Variants in RBMS3 observed in about 807,000 individuals in gnomAD.
RBMS3 encodes the protein RNA-binding motif, single-stranded-interacting protein 3.
In RBMS3, 27 loss-of-function variants were observed where a neutral mutation model predicts 66.8. The observed-to-expected ratio is 0.40, with a 90% confidence interval of 0.30 to 0.56. The LOEUF (loss-of-function observed/expected upper bound fraction) is 0.56. RBMS3 is among the 20% of genes least tolerant of loss of function. The pLI, the probability that RBMS3 is intolerant of heterozygous loss-of-function variation, is 0.40. For synonymous variants in RBMS3, 188 were observed against 183.0 expected (o/e 1.03, Z -0.22); for missense variants, 513 against 549.5 (o/e 0.93, Z 0.66).
intron 12 of RBMS3, among the ~76,000 whole-genome samples, chr3:29,945,214 C>T (rs546363394): frequency 6.6e-6 from 1 of 151,756 alleles, no homozygotes; most frequent in Non-Finnish European, 1.5e-5. Context: ...GACTCAAAGA[C>T]CCCATGGAGC....
At position 29,884,195 on chromosome 3, in the gene RBMS3, G is replaced by A; in HGVS notation, c.778G>A (p.Ala260Thr). Reference sequence around the variant, plus strand: ...GGCTTTGACCTATGACCCCACAGCTGCCATACAGAATGGGTAAGTAGATCA... The same window carrying A: ...GGCTTTGACCTATGACCCCACAGCTACCATACAGAATGGGTAAGTAGATCA... Reference protein sequence around the residue: ...GMALTYDPTAAIQNGFYSSPY... With the variant: ...GMALTYDPTATIQNGFYSSPY... The change falls in exon 8 of 15, where the codon GCC (alanine) becomes ACC (threonine). Residue 260 changes from alanine to threonine, a missense_variant. Ala to Thr is a moderately conservative substitution (Grantham distance 58). Transcript: ENST00000383767. 1 of 1,611,390 alleles carries A rather than the reference G, an allele frequency of 6.2e-7. No individual in the cohort carries two copies. Among genetic ancestry groups the A allele is most frequent in the Non-Finnish European group, 8.5e-7 (1 of 1,178,128 alleles).
chr3:30,003,756 G>A, intron 14 of RBMS3, 100 bp from the exon 15 acceptor site: 1 of 785,210 alleles, frequency 1.3e-6, no homozygotes, highest in East Asian at 3.0e-5. Context: ...TACATTGAAA[G>A]CTTGGTATCT....
At chr3:29,432,459 A>T (rs1414876322) in intron 1 of RBMS3, among the ~76,000 whole-genome samples, 1 of 152,238 alleles carries the variant, frequency 6.6e-6, no homozygotes, top group Admixed American at 6.5e-5. Flanking sequence ...GGTGTAAAAC[A>T]GATTACTATT....
Position 30,003,619 on chromosome 3 carries a change from A to C in RBMS3, c.1308-237A>C, listed in dbSNP as rs535758045. On this transcript the variant is annotated intron_variant, in intron 14 of 14. Transcript: ENST00000383767. The stretch of plus-strand genomic sequence containing the variant: ...CAAAGGATCTGTAAGGAGCTATAAC[A>C]TAAGCTATTACCCTTGATTTTTAAT... Among the ~76,000 whole-genome samples, 3 of 152,110 alleles carry C rather than the reference A, an allele frequency of 2.0e-5. No homozygotes were observed. The South Asian group carries it at 6.2e-4, about 32-fold the overall frequency.
intron 1 of RBMS3, among the ~76,000 whole-genome samples, chr3:29,412,632 G>A (rs2125687069): frequency 6.6e-6 from 1 of 152,270 alleles, no homozygotes; most frequent in East Asian, 1.9e-4. Context: ...AGTGCCAACT[G>A]AAAGATTTTG....
At chr3:29,935,896 A>G (rs2061253579) in intron 10 of RBMS3, among the ~76,000 whole-genome samples, 190 bp from the exon 11 acceptor site, 1 of 152,184 alleles carries the variant, frequency 6.6e-6, no homozygotes, top group African/African-American at 2.4e-5. Context: ...GAAGATGTTA[A>G]TGCCATCTAT....
intron 6 of RBMS3, among the ~76,000 whole-genome samples, chr3:29,865,709 T>C (rs1479648019): frequency 2.0e-5 from 3 of 152,158 alleles, no homozygotes; most frequent in Admixed American, 1.3e-4. Context: ...TTCGATCTCA[T>C]GCCATATTGG....
intron 4 of RBMS3, among the ~76,000 whole-genome samples, chr3:29,704,925 A>G (rs1323553663): frequency 6.6e-6 from 1 of 152,218 alleles, no homozygotes; most frequent in Non-Finnish European, 1.5e-5. Flanking sequence ...GCAAGGGGTT[A>G]GTTCTTACTT....
intron 2 of RBMS3, among the ~76,000 whole-genome samples, chr3:29,438,937 A>G (rs1465388343): frequency 6.6e-6 from 1 of 152,218 alleles, no homozygotes; most frequent in African/African-American, 2.4e-5. Context: ...TTAGCACAAG[A>G]TTAGACCTAG....
intron 1 of RBMS3, among the ~76,000 whole-genome samples, chr3:29,366,159 GT>G: frequency 6.6e-6 from 1 of 151,980 alleles, no homozygotes; most frequent in Admixed American, 6.6e-5. Flanking sequence ...CTAAAGTCAG[GT>G]TTATTTTTTT....
At chr3:29,473,366 G>C (rs2042816454) in intron 2 of RBMS3, among the ~76,000 whole-genome samples, 1 of 152,260 alleles carries the variant, frequency 6.6e-6, no homozygotes, top group African/African-American at 2.4e-5. Flanking sequence ...AGTATCGATT[G>C]GTGCATTCAC....
chr3:29,698,410 A>G (rs961790172), intron 4 of RBMS3: 1 of 985,372 alleles, frequency 1.0e-6, no homozygotes, highest in Non-Finnish European at 1.2e-6. Flanking sequence ...TTCTATAGCC[A>G]GGATATCACA....
intron 4 of RBMS3, among the ~76,000 whole-genome samples, chr3:29,655,786 G>T (rs188524754): frequency 1.3e-5 from 2 of 152,174 alleles, no homozygotes; most frequent in East Asian, 3.9e-4. Flanking sequence ...CCAGATGAAG[G>T]CATTATTACA....
At chr3:29,840,647 G>T (rs574370765) in intron 6 of RBMS3, among the ~76,000 whole-genome samples, 47 of 152,086 alleles carry the variant, frequency 3.1e-4, no homozygotes, top group African/African-American at 1.1e-3. Context: ...ATACCTGAAG[G>T]TCCTCAGACC....
chr3:29,695,450 G>C (rs755049932), intron 4 of RBMS3, among the ~76,000 whole-genome samples: 2 of 152,116 alleles, frequency 1.3e-5, no homozygotes, highest in African/African-American at 2.4e-5. Flanking sequence ...TCCTATGTTT[G>C]TTGAGGAGGG....
intron 2 of RBMS3, among the ~76,000 whole-genome samples, chr3:29,473,813 C>T (rs1406149619): frequency 6.6e-6 from 1 of 152,270 alleles, no homozygotes; most frequent in Non-Finnish European, 1.5e-5. Flanking sequence ...GCCCACCAAG[C>T]CCACGCCCAC....
intron 4 of RBMS3, among the ~76,000 whole-genome samples, chr3:29,659,646 G>A (rs997418808): frequency 2.0e-5 from 3 of 152,050 alleles, no homozygotes; most frequent in Non-Finnish European, 2.9e-5. Context: ...TACTTGGATT[G>A]CTTCCATGTT....
intron 4 of RBMS3, among the ~76,000 whole-genome samples, chr3:29,675,006 C>G (rs967824136): frequency 4.6e-5 from 7 of 152,310 alleles, no homozygotes; most frequent in Admixed American, 3.3e-4. Flanking sequence ...TCAAACTATA[C>G]TACAAGGCTA....
chr3:29,399,074 A>C (rs2039687695), intron 1 of RBMS3, among the ~76,000 whole-genome samples: 2 of 152,046 alleles, frequency 1.3e-5, no homozygotes, highest in Non-Finnish European at 2.9e-5. Context: ...TTTTCCTATC[A>C]AGCCTTTTCT....
Sources: gnomAD v4.1 joint callset for allele counts (sites outside exome capture counted in the v4.1 genomes callset) on GRCh38, gnomAD v4.1.1 for gene constraint, MANE v1.5 for transcripts, NCBI Gene and HGNC (gene_info 2026-07-23, HGNC 2026-07-21) for gene names.